The following ABCA7 variants were observed in gnomAD, a reference collection of about 807,000 sequenced individuals.
ABCA7 encodes the protein phospholipid-transporting ATPase ABCA7.
A neutral mutation model predicts 227.6 loss-of-function variants in ABCA7; 261 were observed. The ratio of observed to expected loss-of-function variants is 1.15; its 90% confidence interval spans 1.04 to 1.27. The LOEUF (loss-of-function observed/expected upper bound fraction) is 1.27, where lower values mean the gene tolerates loss of function less well. ABCA7 is among the 50% of genes most tolerant of loss of function. The pLI, the probability that ABCA7 is intolerant of heterozygous loss-of-function variation, is 0.00. For synonymous variants in ABCA7, 1,488 were observed against 1,279.7 expected (o/e 1.16, Z -3.47); for missense variants, 3,331 against 2,924.5 (o/e 1.14, Z -3.21).
Position 1,062,166 on chromosome 19 carries a change from C to T in ABCA7, c.5571-6C>T, listed in dbSNP as rs574950511. 15 of 1,611,180 alleles carry T rather than the reference C, an allele frequency of 9.3e-6. No homozygotes were observed. In the African/African-American group the frequency reaches 1.9e-4, roughly 20 times the overall value. On this transcript the variant is annotated splice_region_variant and splice_polypyrimidine_tract_variant and intron_variant, in intron 41 of 46. Transcript: ENST00000263094. The stretch of plus-strand genomic sequence containing the variant: ...CTCTCTGAGCCCCCGGCGCCCCCAT[C>T]CCCAGCGTGGCCCGGGAACCCAGTG...
intron 40 of ABCA7, among the ~76,000 whole-genome samples, chr19:1,061,439 G>A (rs950259500): frequency 2.0e-5 from 3 of 147,832 alleles, no homozygotes; most frequent in African/African-American, 7.7e-5. Flanking sequence ...GCTCACGCCT[G>A]TAATCCCAGC....
At position 1,046,906 on chromosome 19, in the gene ABCA7, G is replaced by T. The variant is rs776183093; in HGVS notation, c.1727G>T (p.Arg576Leu). ...VKAVVREKET[R>L]LRDTMRAMGL... ...GCCGTGGTGCGGGAGAAGGAGACGCGGCTGCGGGACACCATGCGCGCCATG... is the reference window on the plus strand; with the variant it reads ...GCCGTGGTGCGGGAGAAGGAGACGCTGCTGCGGGACACCATGCGCGCCATG... The change falls in exon 14 of 47, where the codon CGG becomes CTG. Residue 576 changes from arginine (R) to leucine (L), a missense_variant. Physicochemically the swap from Arg to Leu is moderately radical, Grantham distance 102 (BLOSUM62 -2). Coordinates refer to ENST00000263094, the MANE Select transcript of ABCA7 (RefSeq NM_019112.4). 5.8e-6 allele frequency: 9 copies of T among 1,556,896 alleles called. No homozygotes were observed. The highest frequency in any genetic ancestry group is 2.4e-5 in the East Asian group (1 of 42,482).
intron 16 of ABCA7, among the ~76,000 whole-genome samples, chr19:1,048,296 G>A (rs536189705): frequency 1.7e-3 from 253 of 150,742 alleles, no homozygotes; most frequent in African/African-American, 5.8e-3. Flanking sequence ...TCGGGATTTC[G>A]AGACCAGCCT....
chr19:1,058,178 G>A lies in ABCA7; in HGVS notation c.5058G>A (p.Gln1686=). 1 of 1,613,748 alleles carries A rather than the reference G, an allele frequency of 6.2e-7. No individual in the cohort carries two copies. Among genetic ancestry groups the A allele is most frequent in the African/African-American group, 1.3e-5 (1 of 74,960 alleles). The part of the protein sequence containing the change: ...KLQEVSRILK[Q]VFLIFPHFCL... ...AGGAGGTGAGCCGGATCTTGAAACA[G>A]GTCTTCCTTATCTTCCCCCACTTCT... The change falls in exon 37 of 47, where the codon CAG becomes CAA. Residue 1686 remains glutamine (Q), a synonymous_variant. Coordinates refer to ENST00000263094, the MANE Select transcript of ABCA7 (RefSeq NM_019112.4).
chr19:1,065,461 G>A lies in ABCA7; in HGVS notation c.*36G>A, dbSNP rs375335079. On this transcript the variant is annotated 3_prime_UTR_variant, in exon 47 of 47. Coordinates refer to ENST00000263094, the MANE Select transcript of ABCA7 (RefSeq NM_019112.4). ...CCTGCGGGGCCGCGGGGAGGCCCTG[G>A]GAATGGCAAGGGCAAGGTAGAGTGC... The A allele has an allele frequency of 1.1e-5, 17 of 1,609,330 alleles. No homozygotes were observed. The highest frequency in any genetic ancestry group is 1.4e-5 in the Non-Finnish European group (16 of 1,177,522).
At chr19:1,060,889 T>C (rs10412577) in intron 40 of ABCA7, among the ~76,000 whole-genome samples, 20,435 of 152,030 alleles carry the variant, frequency 0.13, 2,545 homozygotes, top group African/African-American at 0.33. Context: ...ACTGTGCACC[T>C]AGCCTAAGTA....
At position 1,053,841 on chromosome 19, in the gene ABCA7, G is replaced by C. The variant is rs369900881; in HGVS notation, c.3472+5G>C. ...CTGCGGACACAGATATGGAGGGTGC[G>C]GCCACAGCTCCCTGACCCCTGACCC... is the stretch of plus-strand genomic sequence containing the variant. On this transcript the variant is annotated splice_donor_5th_base_variant and intron_variant, in intron 25 of 46. Coordinates refer to ENST00000263094, the MANE Select transcript of ABCA7 (RefSeq NM_019112.4). 28 of 1,609,390 alleles carry C rather than the reference G, an allele frequency of 1.7e-5. No homozygotes were observed. The Admixed American group carries it at 2.3e-4, about 13-fold the overall frequency.
chr19:1,040,572 C>T (rs1011576362), intron 1 of ABCA7, among the ~76,000 whole-genome samples: 4 of 152,186 alleles, frequency 2.6e-5, no homozygotes, highest in Non-Finnish European at 4.4e-5. Flanking sequence ...CCTTTAGCAA[C>T]TTCCTGCCCC....
At chr19:1,048,763 C>T (rs550354249) in intron 16 of ABCA7, 132 bp from the exon 17 acceptor site, 76 of 464,550 alleles carry the variant, frequency 1.6e-4, no homozygotes, top group African/African-American at 1.4e-3. Flanking sequence ...GAGTCAAAAT[C>T]GTGCCACTGC....
rs1448702752 is a variant in ABCA7, at chr19:1,045,085, A to ATTCTGGGCCGGCG, written c.1301_1313dup (p.Val439LeufsTer10). The ATTCTGGGCCGGCG allele has an allele frequency of 6.2e-7, 1 of 1,612,910 alleles. No homozygotes were observed. The highest frequency in any genetic ancestry group is 8.5e-7 in the Non-Finnish European group (1 of 1,179,976). ...CCCTGCAACTGCTCGCGGAACATCG[A>ATTCTGGGCCGGCG]TTCTGGGCCGGCGTCGTCTTCTTGG... On this transcript the variant is annotated frameshift_variant, in exon 12 of 47. Coordinates refer to ENST00000263094, the MANE Select transcript of ABCA7 (RefSeq NM_019112.4). LOFTEE classifies it high-confidence loss of function.
intron 16 of ABCA7, among the ~76,000 whole-genome samples, chr19:1,048,078 G>C (rs2040898447): frequency 6.6e-6 from 1 of 151,794 alleles, no homozygotes; most frequent in Admixed American, 6.6e-5. Flanking sequence ...CGCTCCTGTA[G>C]TCCCAGCTAC....
Position 1,065,455 on chromosome 19 carries a change from G to C in ABCA7, c.*30G>C, listed in dbSNP as rs758145920. On this transcript the variant is annotated 3_prime_UTR_variant, in exon 47 of 47. Coordinates refer to ENST00000263094, the MANE Select transcript of ABCA7 (RefSeq NM_019112.4). The stretch of plus-strand genomic sequence containing the variant: ...CCCTCCCCTGCGGGGCCGCGGGGAG[G>C]CCCTGGGAATGGCAAGGGCAAGGTA... The C allele has an allele frequency of 1.9e-6, 3 of 1,611,076 alleles. No homozygotes were observed. Among genetic ancestry groups the C allele is most frequent in the Non-Finnish European group, 2.5e-6 (3 of 1,178,666 alleles).
At chr19:1,055,438 G>A (rs2042160101) in intron 30 of ABCA7, 87 bp downstream of exon 30, 1 of 1,433,350 alleles carries the variant, frequency 7.0e-7, no homozygotes, top group Middle Eastern at 2.1e-4. Context: ...AGGAGGAAGT[G>A]GAGGGGTTGG....
In ABCA7 at chr19:1,063,862, A is replaced by G; in HGVS notation, c.5950A>G (p.Ser1984Gly). The change falls in exon 44 of 47, where the codon AGC becomes GGC. Residue 1984 changes from serine (S) to glycine (G), a missense_variant and splice_region_variant. Coordinates refer to ENST00000263094, the MANE Select transcript of ABCA7 (RefSeq NM_019112.4). Reference protein sequence around the residue: ...EGRSVMLTSHSMEECEALCSR... With the variant: ...EGRSVMLTSHGMEECEALCSR... ...CCGTTCAGTGATGCTCACCTCCCATAGGTGGGCCGGGCTCTGATGCCCTGG... is the reference window on the plus strand; with the variant it reads ...CCGTTCAGTGATGCTCACCTCCCATGGGTGGGCCGGGCTCTGATGCCCTGG... 6.5e-7 allele frequency: 1 copy of G among 1,531,202 alleles called. No homozygotes were observed. Among genetic ancestry groups the G allele is most frequent in the Non-Finnish European group, 8.8e-7 (1 of 1,139,102 alleles). 94.9% of individuals were successfully genotyped at this position (1,531,202 alleles called of 1,614,324 possible).
rs1229832871 is a variant in ABCA7 at position 1,045,188 on chromosome 19, A to T, written c.1402A>T (p.Met468Leu). Residue 468 changes from methionine (M) to leucine (L), a missense_variant, in exon 12 of 47, where the codon ATG becomes TTG. Met to Leu is a conservative substitution (Grantham distance 15, BLOSUM62 2). Coordinates refer to ENST00000263094, the MANE Select transcript of ABCA7 (RefSeq NM_019112.4). ...CGGCCACGTGCGCATCAAAATCCGC[A>T]TGGACATTGACGTGGTCACGAGGAC... is the stretch of plus-strand genomic sequence containing the variant. Reference protein sequence around the residue: ...GPGHVRIKIRMDIDVVTRTNK... With the variant: ...GPGHVRIKIRLDIDVVTRTNK... The T allele has an allele frequency of 1.3e-6, 2 of 1,497,804 alleles. No homozygotes were observed. The highest frequency in any genetic ancestry group is 2.2e-5 in the South Asian group (2 of 89,768). The allele number at this position is 1,497,804 out of a possible 1,614,324, so 92.8% of individuals were successfully genotyped here.
Position 1,061,800 on chromosome 19 carries a change from G to A in ABCA7, c.5482G>A (p.Val1828Met), listed in dbSNP as rs1259717910. The change falls in exon 41 of 47, where the codon GTG (valine) becomes ATG (methionine). Residue 1828 changes from valine (V) to methionine (M), a missense_variant. Val to Met is a conservative substitution (Grantham distance 21, BLOSUM62 1). Transcript: ENST00000263094. ...PPGECFGLLGVNGAGKTSTFR... is the reference protein window; with the variant it reads ...PPGECFGLLGMNGAGKTSTFR... Reference sequence around the variant, plus strand: ...CCTGTAGTGTTTTGGGCTGCTGGGTGTGAATGGAGCAGGGAAGACGTCCAC... The same window carrying A: ...CCTGTAGTGTTTTGGGCTGCTGGGTATGAATGGAGCAGGGAAGACGTCCAC... 1.2e-6 allele frequency: 2 copies of A among 1,613,238 alleles called. No individual in the cohort carries two copies. The highest frequency in any genetic ancestry group is 1.7e-5 in the Admixed American group (1 of 59,932).
At position 1,056,258 on chromosome 19, in the gene ABCA7, G is replaced by T. The variant is rs534565595; in HGVS notation, c.4416+15G>T. The T allele has an allele frequency of 7.2e-5, 115 of 1,589,500 alleles. No homozygotes were observed. In the African/African-American group the frequency reaches 1.1e-3, roughly 16 times the overall value. ...ACAGTCTCAAGGTGGGAACTGGGGG[G>T]GCAGGTGGGCGTCCTGTCACAGCAA... On this transcript the variant is annotated intron_variant, in intron 32 of 46. Coordinates refer to ENST00000263094, the MANE Select transcript of ABCA7 (RefSeq NM_019112.4). This position sits in a 1 kb window ranked among gnomAD's most constrained non-coding sequence, Gnocchi z 4.3.
intron 42 of ABCA7, among the ~76,000 whole-genome samples, chr19:1,062,658 G>A (rs769521182): frequency 1.6e-4 from 24 of 151,906 alleles, no homozygotes; most frequent in Non-Finnish European, 3.4e-4. Flanking sequence ...CTTTCTCGCT[G>A]GGGTCACGGT....
In ABCA7 at chr19:1,056,953, G is replaced by T. The variant is rs1383209050; in HGVS notation, c.4633G>T (p.Ala1545Ser). 6.2e-7 allele frequency: 1 copy of T among 1,613,956 alleles called. No individual in the cohort carries two copies. The highest frequency in any genetic ancestry group is 1.7e-5 in the Admixed American group (1 of 59,996). The stretch of plus-strand genomic sequence containing the variant: ...CCTCGTCTCCATCTGTGTGGTCTTT[G>T]CCATGTCCTTTGTCCCGGCCAGCTT... ...DVLVSICVVF[A>S]MSFVPASFTL... Residue 1545 changes from alanine to serine, a missense_variant, in exon 34 of 47, where the codon GCC becomes TCC. By Grantham distance (99) the Ala-to-Ser change is moderately conservative (BLOSUM62 1). Transcript: ENST00000263094. This position sits in a 1 kb window ranked among gnomAD's most constrained non-coding sequence, Gnocchi z 4.3.
Sources: gnomAD v4.1 joint callset for allele counts (sites outside exome capture counted in the v4.1 genomes callset) on GRCh38, gnomAD v4.1.1 for gene constraint, Gnocchi (gnomAD v3.1) non-coding constraint, MANE v1.5 for transcripts, NCBI Gene and HGNC (gene_info 2026-07-23, HGNC 2026-07-21) for gene names.